Variants in PKD1 observed in about 807,000 individuals in gnomAD.
The protein encoded by PKD1 is polycystin-1.
PKD1 carries 81 observed loss-of-function variants against 361.7 expected under a neutral mutation model. The ratio of observed to expected loss-of-function variants is 0.22; its 90% CI spans 0.19 to 0.27. The LOEUF (loss-of-function observed/expected upper bound fraction) is 0.27. Among genes scored for constraint, PKD1 ranks in the 10% least tolerant of loss-of-function variants. The pLI is 1.00. For missense variants in PKD1, 6,399 were observed against 6,118.3 expected, an observed-to-expected ratio of 1.05 and a Z score of -1.53; for synonymous variants, 3,615 against 2,818.3, an observed-to-expected ratio of 1.28 and a Z score of -8.95.
rs1196159945 is a variant in PKD1 at position 2,088,877 on chromosome 16, GCGCGCA to G, written c.*844_*849del. ...CCATACAGCACACTCGCGCGTGCGC[GCGCGCA>G]CACACACACACACACAGTCACCTTC... On this transcript the variant is annotated 3_prime_UTR_variant, in exon 46 of 46. Coordinates refer to ENST00000262304, the MANE Select transcript of PKD1 (RefSeq NM_001009944.3). 7 of 482,030 alleles carry G rather than the reference GCGCGCA, an allele frequency of 1.5e-5. No individual in the cohort carries two copies. The African/African-American group carries it at 1.7e-4, about 12-fold the overall frequency. 29.9% of individuals were successfully genotyped at this position (482,030 alleles called of 1,614,324 possible).
intron 30 of PKD1, chr16:2,098,998 G>A (rs1398329258): frequency 2.4e-5 from 4 of 164,414 alleles, no homozygotes; most frequent in Non-Finnish European, 4.0e-5. Flanking sequence ...GCCCAGCTAA[G>A]TTTTTGTATT....
Position 2,092,055 on chromosome 16 carries a change from A to G in PKD1, c.11403T>C (p.Asp3801=), listed in dbSNP as rs1374488161. 6.2e-7 allele frequency: 1 copy of G among 1,612,766 alleles called. No homozygotes were observed. Among genetic ancestry groups the G allele is most frequent in the Non-Finnish European group, 8.5e-7 (1 of 1,179,964 alleles). The change falls in exon 40 of 46, where the codon GAT becomes GAC. Residue 3801 remains aspartate (D), a synonymous_variant. Coordinates refer to ENST00000262304, the MANE Select transcript of PKD1 (RefSeq NM_001009944.3). ...GSGTWAYSAP[D]LLGAWSWGSC... The stretch of plus-strand genomic sequence containing the variant: ...GCCCTCGCTCTGCTCACCCCAGCAG[A>G]TCCGGCGCTGAATAGGCCCACGTCC...
rs567183471 is a variant in PKD1, at chr16:2,109,534, G to A, written c.5633C>T (p.Thr1878Met). The change falls in exon 15 of 46, where the codon ACG becomes ATG. Residue 1878 changes from threonine to methionine, a missense_variant. Coordinates refer to ENST00000262304, the MANE Select transcript of PKD1 (RefSeq NM_001009944.3). ...ASNAVSWVSA[T>M]YNLTAEEPIV... ...GGGCTCCTCCGCCGTGAGGTTGTAC[G>A]TGGCTGAGACCCAGCTGACTGCGTT... The A allele has an allele frequency of 7.6e-5, 122 of 1,611,224 alleles. 2 individuals are homozygous for A. In the South Asian group the frequency reaches 9.6e-4, roughly 13 times the overall value.
At chr16:2,107,585 GGC>G (rs1482030426) in intron 16 of PKD1, 17 of 503,566 alleles carry the variant, frequency 3.4e-5, no homozygotes, top group Non-Finnish European at 5.9e-5. Context: ...CAGGGACATG[GGC>G]TGGGGACAGT....
rs926173909 is a variant in PKD1, at chr16:2,090,010, G to A, written c.12629C>T (p.Pro4210Leu). The A allele has an allele frequency of 6.2e-7, 1 of 1,610,144 alleles. No homozygotes were observed. Among genetic ancestry groups the A allele is most frequent in the Non-Finnish European group, 8.5e-7 (1 of 1,178,988 alleles). The change falls in exon 46 of 46, where the codon CCT becomes CTT. Residue 4210 changes from proline to leucine, a missense_variant. Pro to Leu is a moderately conservative substitution (Grantham distance 98, BLOSUM62 -3). Coordinates refer to ENST00000262304, the MANE Select transcript of PKD1 (RefSeq NM_001009944.3). ...CACGGCTTGGAGGCGGGAGGGCTCA[G>A]GCTCACACCTTGTCCCCAGCCGGCC... ...SLGRLGTRCE[P>L]EPSRLQAVFE...
chr16:2,094,781 C>G (rs1037779322), intron 34 of PKD1: 21 of 157,392 alleles, frequency 1.3e-4, no homozygotes, highest in Admixed American at 7.4e-4. Flanking sequence ...ATGCCCGGTC[C>G]CAGAGCTGCT....
In PKD1 at chr16:2,108,722, G is replaced by A; in HGVS notation, c.6445C>T (p.Pro2149Ser). The part of the protein sequence containing the change: ...VTVQVLACRE[P>S]EVDVVLPLQV... The stretch of plus-strand genomic sequence containing the variant: ...AGGGGCAGGACCACGTCCACCTCCG[G>A]CTCCCGGCAGGCCAGCACCTGGACG... Residue 2149 changes from proline to serine, a missense_variant, in exon 15 of 46, where the codon CCG (proline) becomes TCG (serine). Physicochemically the swap from Pro to Ser is moderately conservative, Grantham distance 74. Transcript: ENST00000262304. 1.9e-6 allele frequency: 3 copies of A among 1,571,076 alleles called. No individual in the cohort carries two copies. Among genetic ancestry groups the A allele is most frequent in the South Asian group, 2.3e-5 (2 of 86,218 alleles).
In PKD1 at chr16:2,111,761, C is replaced by A. The variant is rs757584953; in HGVS notation, c.3406G>T (p.Gly1136Cys). Residue 1136 changes from glycine (G) to cysteine (C), a missense_variant, in exon 15 of 46, where the codon GGC (glycine) becomes TGC (cysteine). Transcript: ENST00000262304. ...LPSVAVGVSDGVLVAGRPVTF... is the reference protein window; with the variant it reads ...LPSVAVGVSDCVLVAGRPVTF... ...ACGGGCCGGCCGGCCACCAGGACGC[C>A]GTCACTCACACCCACAGCCACGGAG... is the stretch of plus-strand genomic sequence containing the variant. 1.7e-5 allele frequency: 28 copies of A among 1,605,142 alleles called. No individual in the cohort carries two copies. The highest frequency in any genetic ancestry group is 2.1e-5 in the Non-Finnish European group (25 of 1,177,350).
chr16:2,120,437 A>G (rs1050471901), intron 1 of PKD1, among the ~76,000 whole-genome samples: 2 of 152,226 alleles, frequency 1.3e-5, no homozygotes, highest in African/African-American at 4.8e-5. Flanking sequence ...AAAAAGAAGA[A>G]AAGGAAACTG....
At chr16:2,125,330 C>CT (rs1174751460) in intron 1 of PKD1, among the ~76,000 whole-genome samples, 1 of 152,156 alleles carries the variant, frequency 6.6e-6, no homozygotes, top group African/African-American at 2.4e-5. Flanking sequence ...GTGGCAGCCT[C>CT]TGATACAGGA....
chr16:2,093,482 T>C (rs2091695928), intron 37 of PKD1, 62 bp downstream of exon 37: 6 of 1,451,688 alleles, frequency 4.1e-6, no homozygotes, highest in Non-Finnish European at 5.7e-6. Context: ...CCTGCGTGCA[T>C]GGGTGGGAGG....
intron 1 of PKD1, chr16:2,119,987 G>A: frequency 1.7e-6 from 1 of 595,874 alleles, no homozygotes. Context: ...TGAGACGGAA[G>A]GATCGCCTGG....
rs1441765873 is a variant in PKD1 at position 2,100,153 on chromosome 16, A to C, written c.9712+13T>G. 1 of 1,606,542 alleles carries C rather than the reference A, an allele frequency of 6.2e-7. No individual in the cohort carries two copies. The highest frequency in any genetic ancestry group is 8.5e-7 in the Non-Finnish European group (1 of 1,176,416). On this transcript the variant is annotated intron_variant, in intron 28 of 45. Transcript: ENST00000262304. The surrounding 1 kb of genome is among the most constrained non-coding windows in gnomAD (Gnocchi z 4.4). Reference sequence around the variant, plus strand: ...AACCTCCCACGGAGTGGGAACATGGAACGAGGCCTTACTCGCGGCCAGCAC... The same window carrying C: ...AACCTCCCACGGAGTGGGAACATGGCACGAGGCCTTACTCGCGGCCAGCAC...
chr16:2,126,888 C>T (rs2092806365), intron 1 of PKD1, among the ~76,000 whole-genome samples: 1 of 152,118 alleles, frequency 6.6e-6, no homozygotes, highest in Admixed American at 6.5e-5. Context: ...CTAGGGGACC[C>T]AGGGAGGGGC....
chr16:2,111,568 G>A lies in PKD1; in HGVS notation c.3599C>T (p.Ala1200Val), dbSNP rs753833996. Residue 1200 changes from alanine (A) to valine (V), a missense_variant, in exon 15 of 46, where the codon GCG (alanine) becomes GTG (valine). Physicochemically the swap from Ala to Val is moderately conservative, Grantham distance 64 (BLOSUM62 0). Transcript: ENST00000262304. ...RLEVNNTVSGAAAQADVRVFE... is the reference protein window; with the variant it reads ...RLEVNNTVSGVAAQADVRVFE... The stretch of plus-strand genomic sequence containing the variant: ...GACGCGCACATCCGCCTGGGCCGCC[G>A]CACCGCTCACCGTGTTGTTGACCTC... 7.6e-5 allele frequency: 120 copies of A among 1,578,740 alleles called. No homozygotes were observed. Among genetic ancestry groups the A allele is most frequent in the South Asian group, 3.9e-4 (34 of 87,416 alleles).
Position 2,092,597 on chromosome 16 carries a change from C to T in PKD1, c.11157-5G>A. 6.3e-7 allele frequency: 1 copy of T among 1,596,440 alleles called. No individual in the cohort carries two copies. The highest frequency in any genetic ancestry group is 8.6e-7 in the Non-Finnish European group (1 of 1,166,224). On this transcript the variant is annotated splice_polypyrimidine_tract_variant and splice_region_variant and intron_variant, in intron 38 of 45. Transcript: ENST00000262304. ...CATGGCCAGAGCTCCTCAGACCTGC[C>T]ACAGCATCAGTCACACGCTCCAGCC...
rs2854578 is a variant in PKD1 at position 2,100,096 on chromosome 16, G to A, written c.9713-25C>T. On this transcript the variant is annotated intron_variant, in intron 28 of 45. Coordinates refer to ENST00000262304, the MANE Select transcript of PKD1 (RefSeq NM_001009944.3). The surrounding 1 kb of genome is among the most constrained non-coding windows in gnomAD (Gnocchi z 4.4). ...CCTAGAAGGCAGGGAGGGCCGCACT[G>A]CAGGAGGCCACGGGGCAGGACCACC... 2 of 1,603,678 alleles carry A rather than the reference G, an allele frequency of 1.2e-6. No homozygotes were observed. Among genetic ancestry groups the A allele is most frequent in the South Asian group, 1.1e-5 (1 of 90,512 alleles).
At position 2,108,894 on chromosome 16, in the gene PKD1, G is replaced by A. The variant is rs1357329670; in HGVS notation, c.6273C>T (p.Ala2091=). 1 of 1,581,184 alleles carries A rather than the reference G, an allele frequency of 6.3e-7. No homozygotes were observed. The highest frequency in any genetic ancestry group is 1.1e-5 in the South Asian group (1 of 87,412). Residue 2091 remains alanine (A), a synonymous_variant, in exon 15 of 46, where the codon GCC becomes GCT. Transcript: ENST00000262304. ...AATSPSPRRV[A]YHWDFGDGSP... ...ACCCATCCCCAAAGTCCCAGTGGTA[G>A]GCCACACGCCGGGGGCTGGGGCTGG... is the stretch of plus-strand genomic sequence containing the variant.
At chr16:2,102,999 T>TA in intron 23 of PKD1, 29 bp from the exon 24 acceptor site, 3 of 1,598,878 alleles carry the variant, frequency 1.9e-6, no homozygotes, top group South Asian at 2.2e-5. Flanking sequence ...GTCACACGCC[T>TA]GCCGGGAAGC....
Sources: gnomAD v4.1 joint callset for allele counts (sites outside exome capture counted in the v4.1 genomes callset) on GRCh38, gnomAD v4.1.1 for gene constraint, Gnocchi (gnomAD v3.1) non-coding constraint, MANE v1.5 for transcripts, NCBI Gene and HGNC (gene_info 2026-07-23, HGNC 2026-07-21) for gene names.